The following FGF12 variants were observed in gnomAD, a reference collection of about 807,000 sequenced individuals.
FGF12 encodes the protein fibroblast growth factor 12B.
A neutral mutation model predicts 23.6 loss-of-function variants in FGF12; 14 were observed. That is an observed-to-expected ratio of 0.59 (90% confidence interval 0.39 to 0.93). The LOEUF is 0.93. Among genes scored for constraint, FGF12 ranks in the 40% least tolerant of loss-of-function variants. FGF12 has a pLI of 0.00. For synonymous variants in FGF12, 62 were observed against 77.3 expected (o/e 0.80, Z 1.04); for missense variants, 175 against 217.8 (o/e 0.80, Z 1.24).
intron 2 of FGF12, among the ~76,000 whole-genome samples, chr3:192,393,862 T>A (rs1290361452): frequency 1.3e-5 from 2 of 152,126 alleles, no homozygotes; most frequent in African/African-American, 4.8e-5. Flanking sequence ...TAGTAAACAT[T>A]GTTTTAAAAA....
At position 192,211,423 on chromosome 3, in the gene FGF12, A is replaced by C. The variant is rs141033878; in HGVS notation, c.229-40767T>G. On this transcript the variant is annotated intron_variant, in intron 4 of 5. Coordinates refer to ENST00000445105, the MANE Select transcript of FGF12 (RefSeq NM_004113.6). The stretch of plus-strand genomic sequence containing the variant: ...TAGTGTGTGATACCACAATATTGTG[A>C]TTTATTTGTTTATTTTTTTGAGACG... Among the ~76,000 whole-genome samples the C allele has an allele frequency of 1.7e-3, 254 of 152,082 alleles. 2 individuals are homozygous for C. Among genetic ancestry groups the C allele is most frequent in the East Asian group, 6.0e-3 (31 of 5,154 alleles).
chr3:192,586,619 T>C (rs1009135077), intron 2 of FGF12, among the ~76,000 whole-genome samples: 2 of 152,166 alleles, frequency 1.3e-5, no homozygotes, highest in East Asian at 3.9e-4. Flanking sequence ...TATGTTGCAA[T>C]ATAACTTTGC....
chr3:192,725,602 T>C (rs931572130), intron 2 of FGF12, among the ~76,000 whole-genome samples: 2 of 152,154 alleles, frequency 1.3e-5, no homozygotes, highest in Non-Finnish European at 2.9e-5. Flanking sequence ...TGCCGAGAGA[T>C]ATAGCCTCTT....
At position 192,408,865 on chromosome 3, in the gene FGF12, C is replaced by A; in HGVS notation, c.14-48327G>T. The A allele has an allele frequency of 1.0e-6, 1 of 985,448 alleles. No homozygotes were observed. The highest frequency in any genetic ancestry group is 1.2e-6 in the Non-Finnish European group (1 of 829,996). The allele number at this position is 985,448 out of a possible 1,614,324, so 61.0% of individuals were successfully genotyped here. A position where few individuals can be genotyped will look rare whatever the true frequency, so the allele number is the denominator to read the frequency against. ...CCGCGGTTCTGAAGATTAGGAGGTC[C>A]GTCCCAGCAGGGTGAGGTCTACAGA... is the stretch of plus-strand genomic sequence containing the variant. On this transcript the variant is annotated intron_variant, in intron 2 of 5. Coordinates refer to ENST00000445105, the MANE Select transcript of FGF12 (RefSeq NM_004113.6). The surrounding 1 kb of genome is among the most constrained non-coding windows in gnomAD (Gnocchi z 7.3).
At chr3:192,618,616 G>A (rs1714853299) in intron 2 of FGF12, among the ~76,000 whole-genome samples, 1 of 152,092 alleles carries the variant, frequency 6.6e-6, no homozygotes, top group African/African-American at 2.4e-5. Context: ...CTCTGGCTCA[G>A]AAATGGACTG....
At chr3:192,303,851 C>A (rs75953605) in intron 4 of FGF12, among the ~76,000 whole-genome samples, 4,278 of 152,242 alleles carry the variant, frequency 0.028, 159 homozygotes, top group South Asian at 0.17. Context: ...TATAGCAGAT[C>A]TCAAAGCCCT....
At chr3:192,668,788 C>T (rs1334830937) in intron 2 of FGF12, among the ~76,000 whole-genome samples, 1 of 152,128 alleles carries the variant, frequency 6.6e-6, no homozygotes, top group African/African-American at 2.4e-5. Context: ...CATGAAAAAG[C>T]TCAGCAATGG....
intron 2 of FGF12, among the ~76,000 whole-genome samples, chr3:192,432,571 C>T (rs1032016162): frequency 1.4e-5 from 2 of 143,120 alleles, no homozygotes; most frequent in African/African-American, 5.3e-5. Context: ...GTGGGAAGGG[C>T]CATGGGGCAA....
At chr3:192,708,181 G>T (rs1055937134) in intron 2 of FGF12, among the ~76,000 whole-genome samples, 1 of 151,984 alleles carries the variant, frequency 6.6e-6, no homozygotes, top group African/African-American at 2.4e-5. Context: ...GGTTGGTCTC[G>T]ATCTCCTGAC....
intron 4 of FGF12, among the ~76,000 whole-genome samples, chr3:192,311,977 CT>C (rs948322193): frequency 6.7e-6 from 1 of 148,450 alleles, no homozygotes; most frequent in African/African-American, 2.5e-5. Flanking sequence ...ATCTATCTAT[CT>C]GTTTTCAGAT....
intron 4 of FGF12, among the ~76,000 whole-genome samples, chr3:192,301,541 T>C (rs1715348977): frequency 6.6e-6 from 1 of 152,106 alleles, no homozygotes; most frequent in Admixed American, 6.6e-5. Context: ...ATTAGTTAAG[T>C]GAGTAAGAAC....
At chr3:192,165,353 G>A (rs1229732833) in intron 5 of FGF12, among the ~76,000 whole-genome samples, 1 of 151,898 alleles carries the variant, frequency 6.6e-6, no homozygotes, top group Non-Finnish European at 1.5e-5. Flanking sequence ...TCATAAAGCT[G>A]TAATTTATTT....
chr3:192,523,150 GAC>G (rs771083852), intron 2 of FGF12, among the ~76,000 whole-genome samples: 7 of 152,140 alleles, frequency 4.6e-5, no homozygotes, highest in Non-Finnish European at 7.4e-5. Context: ...ATGTGAAGGA[GAC>G]ACACAGGGAC....
chr3:192,173,565 T>A (rs1370095761), intron 4 of FGF12, among the ~76,000 whole-genome samples: 1 of 152,186 alleles, frequency 6.6e-6, no homozygotes, highest in Non-Finnish European at 1.5e-5. Context: ...AATGCTTAGA[T>A]TTAGGTCTGA....
intron 2 of FGF12, among the ~76,000 whole-genome samples, chr3:192,457,250 T>C (rs968504456): frequency 6.6e-6 from 1 of 152,034 alleles, no homozygotes; most frequent in African/African-American, 2.4e-5. Context: ...TTGGTACCAG[T>C]AGAGTGGGGT....
intron 2 of FGF12, among the ~76,000 whole-genome samples, chr3:192,537,975 T>C (rs944465877): frequency 3.3e-5 from 5 of 150,660 alleles, no homozygotes; most frequent in African/African-American, 1.2e-4. Context: ...AGATGGAGTT[T>C]CACTCTTGCT....
chr3:192,209,995 G>C (rs888332805), intron 4 of FGF12, among the ~76,000 whole-genome samples: 5 of 152,160 alleles, frequency 3.3e-5, no homozygotes, highest in African/African-American at 1.2e-4. Context: ...TTTTCACTGG[G>C]CTTCTGTTTT....
intron 2 of FGF12, among the ~76,000 whole-genome samples, chr3:192,373,300 T>C (rs989578963): frequency 2.0e-5 from 3 of 151,616 alleles, no homozygotes; most frequent in Non-Finnish European, 2.9e-5. Context: ...TTTTTTTTTT[T>C]CAGTGACCTA....
At chr3:192,561,518 A>G (rs1011359790) in intron 2 of FGF12, among the ~76,000 whole-genome samples, 4 of 152,152 alleles carry the variant, frequency 2.6e-5, no homozygotes, top group Admixed American at 6.5e-5. Flanking sequence ...ACCCGCCACC[A>G]CGCCCAGCTA....
Sources: allele counts gnomAD v4.1 joint callset (sites outside exome capture counted in the v4.1 genomes callset), GRCh38; gene constraint gnomAD v4.1.1; non-coding constraint Gnocchi (gnomAD v3.1); transcripts MANE v1.5; gene names NCBI Gene and HGNC (gene_info 2026-07-23, HGNC 2026-07-21).